Variants in LRTM3 observed in about 807,000 individuals in gnomAD.
LRTM3 encodes leucine rich repeat transmembrane protein 3, also known as leucine-rich repeat transmembrane protein 3.
chr13:102,736,780 A>G, the LRTM3 span: 1 of 1,550,788 alleles, frequency 6.4e-7, no homozygotes, highest in Non-Finnish European at 8.7e-7. Flanking sequence ...TCTCTGAAAT[A>G]TTTGCTTTAT....
At chr13:102,748,103 G>T in the LRTM3 span, 1 of 1,551,022 alleles carries the variant, frequency 6.4e-7, no homozygotes, top group Non-Finnish European at 8.7e-7. Context: ...TAATGTGTCT[G>T]CCTTGGCTTT....
the LRTM3 span, chr13:102,742,572 GATCT>G: frequency 6.4e-7 from 1 of 1,550,532 alleles, no homozygotes; most frequent in East Asian, 2.4e-5. Flanking sequence ...TTTGCTTCTT[GATCT>G]ATTAAATCAA....
the LRTM3 span, chr13:102,745,181 C>T: frequency 6.4e-7 from 1 of 1,550,876 alleles, no homozygotes; most frequent in Non-Finnish European, 8.7e-7. Flanking sequence ...CTTCCCCTGA[C>T]CTGAACGGAA....
the LRTM3 span, chr13:102,747,536 G>A: frequency 6.4e-7 from 1 of 1,550,766 alleles, no homozygotes; most frequent in East Asian, 2.4e-5. Context: ...AGACCCCAGG[G>A]CAACTGCAGG....
chr13:102,734,468 C>T, the LRTM3 span: 81 of 1,551,186 alleles, frequency 5.2e-5, no homozygotes, highest in Non-Finnish European at 5.1e-5. Flanking sequence ...ATGTTCCTTT[C>T]GTCCTTGCCC....
the LRTM3 span, chr13:102,729,926 T>C: frequency 6.4e-7 from 1 of 1,552,004 alleles, no homozygotes; most frequent in Non-Finnish European, 8.7e-7. Context: ...AAGATGTGAT[T>C]TAATATTTGA....
At chr13:102,738,743 C>A in the LRTM3 span, 1 of 1,550,570 alleles carries the variant, frequency 6.4e-7, no homozygotes, top group Admixed American at 2.0e-5. Context: ...TTCTATTGTG[C>A]CCACTTTAGA....
At chr13:102,753,375 A>C in the LRTM3 span, among the ~76,000 whole-genome samples, 3 of 152,056 alleles carry the variant, frequency 2.0e-5, no homozygotes, top group Non-Finnish European at 2.9e-5. Flanking sequence ...TACCTAAAGC[A>C]TGCTGGGCTT....
chr13:102,740,681 T>C, the LRTM3 span: 1 of 1,548,054 alleles, frequency 6.5e-7, no homozygotes, highest in Non-Finnish European at 8.7e-7. Flanking sequence ...CATAGATGCA[T>C]TGAACTGAAA....
the LRTM3 span, chr13:102,734,059 A>G: frequency 6.4e-7 from 1 of 1,551,446 alleles, no homozygotes; most frequent in South Asian, 1.2e-5. Context: ...ACAGAACCAC[A>G]CATGCTTCAT....
the LRTM3 span, chr13:102,749,683 G>T: frequency 6.4e-7 from 1 of 1,551,404 alleles, no homozygotes; most frequent in South Asian, 1.2e-5. Flanking sequence ...GGGCAAAGTT[G>T]CTGGCTTTGC....
chr13:102,738,778 A>C, the LRTM3 span: 2 of 1,550,536 alleles, frequency 1.3e-6, no homozygotes, highest in Admixed American at 2.0e-5. Context: ...AGATGGAAGC[A>C]AAAGGTTTGC....
At chr13:102,731,820 T>C in the LRTM3 span, 1 of 1,549,380 alleles carries the variant, frequency 6.5e-7, no homozygotes, top group East Asian at 2.4e-5. Context: ...CTCTGATCCC[T>C]TTGCTTGGGT....
the LRTM3 span, chr13:102,733,697 C>A: frequency 6.4e-7 from 1 of 1,551,316 alleles, no homozygotes; most frequent in Admixed American, 2.0e-5. Context: ...TCTTATGGTA[C>A]CAAACCCTGT....
At chr13:102,739,312 A>G in the LRTM3 span, 1 of 1,549,088 alleles carries the variant, frequency 6.5e-7, no homozygotes, top group South Asian at 1.2e-5. Context: ...TATTTTCTCT[A>G]TCTTCCTTCT....
chr13:102,733,820 A>T, the LRTM3 span: 2 of 1,551,454 alleles, frequency 1.3e-6, no homozygotes, highest in Non-Finnish European at 1.7e-6. Context: ...GTTTGAGGTC[A>T]ACTGTTGCTC....
At chr13:102,745,275 T>A in the LRTM3 span, 2 of 1,550,766 alleles carry the variant, frequency 1.3e-6, no homozygotes, top group African/African-American at 2.7e-5. Flanking sequence ...TGAAGAAGGG[T>A]TTCTTTAATG....
the LRTM3 span, among the ~76,000 whole-genome samples, chr13:102,751,080 G>A: frequency 6.6e-6 from 1 of 152,048 alleles, no homozygotes; most frequent in South Asian, 2.1e-4. Context: ...TTTCTCCCAG[G>A]GTGTTTTGGA....
At chr13:102,733,604 A>G in the LRTM3 span, 1,471 of 1,551,324 alleles carry the variant, frequency 9.5e-4, 14 homozygotes, top group African/African-American at 0.018. Context: ...GGGATAGGAA[A>G]GAAACGCAGT....
Sources: allele counts gnomAD v4.1 joint callset (sites outside exome capture counted in the v4.1 genomes callset), GRCh38; gene constraint gnomAD v4.1.1; transcripts MANE v1.5; gene names NCBI Gene and HGNC (gene_info 2026-07-23, HGNC 2026-07-21).